The following GPR149 variants were observed in gnomAD, a reference collection of about 807,000 sequenced individuals.
The protein encoded by GPR149 is probable G protein-coupled receptor 149.
A neutral mutation model predicts 50.2 loss-of-function variants in GPR149; 50 were observed. The observed-to-expected ratio is 1.00, with a 90% CI of 0.79 to 1.26. GPR149 has a LOEUF of 1.26. Ranked by LOEUF, GPR149 falls within the 50% of genes most tolerant of loss-of-function variation. The pLI, the probability that GPR149 is intolerant of heterozygous loss-of-function variation, is 0.00. For missense variants in GPR149, 983 were observed against 895.4 expected, an observed-to-expected ratio of 1.10 and a Z score of -1.25; for synonymous variants, 405 against 358.2, an observed-to-expected ratio of 1.13 and a Z score of -1.48.
At chr3:154,426,455 T>G (rs1712305617) in intron 2 of GPR149, among the ~76,000 whole-genome samples, 1 of 152,196 alleles carries the variant, frequency 6.6e-6, no homozygotes, top group Non-Finnish European at 1.5e-5. Flanking sequence ...CTGTTTAAAT[T>G]TAACCTTCAT....
intron 3 of GPR149, among the ~76,000 whole-genome samples, chr3:154,366,529 A>G (rs1714536666): frequency 6.6e-6 from 1 of 152,200 alleles, no homozygotes; most frequent in African/African-American, 2.4e-5. Flanking sequence ...CCAAAAAGAG[A>G]CATTTACATC....
intron 3 of GPR149, among the ~76,000 whole-genome samples, chr3:154,363,749 C>T (rs778064755): frequency 6.6e-6 from 1 of 152,138 alleles, no homozygotes; most frequent in South Asian, 2.1e-4. Flanking sequence ...CTGAATGATG[C>T]CTTTTCAATC....
At chr3:154,383,034 C>T (rs898988322) in intron 3 of GPR149, among the ~76,000 whole-genome samples, 4 of 152,054 alleles carry the variant, frequency 2.6e-5, no homozygotes, top group African/African-American at 9.7e-5. Context: ...GAAGTGAGGG[C>T]AGCCTAGGAC....
rs575207461 is a variant in GPR149, at chr3:154,407,801, C to A, written c.1623+13238G>T. ...CAGTAGCAATGAGTGTATCTAGCAC[C>A]CAGATTTTGGCTTCTAAATACTATT... On this transcript the variant is annotated intron_variant, in intron 3 of 3. Transcript: ENST00000389740. 2.0e-5 allele frequency among the ~76,000 whole-genome samples: 3 copies of A among 151,314 alleles called. No homozygotes were observed. The South Asian group carries it at 6.3e-4, about 32-fold the overall frequency.
At chr3:154,395,460 A>ATG (rs1715268557) in intron 3 of GPR149, among the ~76,000 whole-genome samples, 1 of 148,280 alleles carries the variant, frequency 6.7e-6, no homozygotes, top group Non-Finnish European at 1.5e-5. Flanking sequence ...GTATATATAT[A>ATG]TATAATTTTA....
chr3:154,383,269 G>A (rs974176277), intron 3 of GPR149, among the ~76,000 whole-genome samples: 6 of 152,092 alleles, frequency 3.9e-5, no homozygotes, highest in African/African-American at 1.4e-4. Flanking sequence ...GAATGGGGGC[G>A]AGACATTCCA....
chr3:154,344,506 G>A lies in GPR149; in HGVS notation c.1624-6235C>T, dbSNP rs140359783. 1.1e-4 allele frequency among the ~76,000 whole-genome samples: 17 copies of A among 152,226 alleles called. No individual in the cohort carries two copies. In the East Asian group the frequency reaches 2.3e-3, roughly 21 times the overall value. ...TCCCCCTCCAAATTCGTGTCCCCCT[G>A]TAAACTGTGAATATGACCTTATTTG... On this transcript the variant is annotated intron_variant, in intron 3 of 3. Transcript: ENST00000389740.
intron 3 of GPR149, among the ~76,000 whole-genome samples, chr3:154,347,323 C>T (rs1017599371): frequency 3.9e-5 from 6 of 152,112 alleles, no homozygotes; most frequent in African/African-American, 1.2e-4. Context: ...AGAATCATGA[C>T]GGAAGAGGAC....
At chr3:154,354,742 G>T in intron 3 of GPR149, 2 of 695,496 alleles carry the variant, frequency 2.9e-6, no homozygotes, top group South Asian at 1.9e-5. Flanking sequence ...CTGGCTCTCG[G>T]ACTCCTCCAA....
At chr3:154,422,042 C>G (rs556906249) in intron 2 of GPR149, among the ~76,000 whole-genome samples, 17 of 151,496 alleles carry the variant, frequency 1.1e-4, no homozygotes, top group Non-Finnish European at 2.4e-4. Flanking sequence ...TACTGCAAAA[C>G]AGCTTTTAAA....
At chr3:154,356,115 TA>T (rs1344844180) in intron 3 of GPR149, among the ~76,000 whole-genome samples, 1 of 152,212 alleles carries the variant, frequency 6.6e-6, no homozygotes, top group Non-Finnish European at 1.5e-5. Context: ...TGAAATGTTC[TA>T]AAACTGATTT....
At chr3:154,364,173 A>G (rs1052931777) in intron 3 of GPR149, among the ~76,000 whole-genome samples, 1 of 152,192 alleles carries the variant, frequency 6.6e-6, no homozygotes, top group African/African-American at 2.4e-5. Flanking sequence ...CTATGGGAGT[A>G]AAAAAGCTGC....
intron 3 of GPR149, among the ~76,000 whole-genome samples, chr3:154,339,019 C>A (rs189386484): frequency 6.6e-6 from 1 of 152,232 alleles, no homozygotes; most frequent in Admixed American, 6.5e-5. Context: ...AAGATTGATT[C>A]TTAAAATAGT....
intron 3 of GPR149, among the ~76,000 whole-genome samples, chr3:154,356,582 T>C (rs1302775321): frequency 6.6e-6 from 1 of 152,180 alleles, no homozygotes; most frequent in Non-Finnish European, 1.5e-5. Context: ...CCATTCACAA[T>C]TGCTTCAAAG....
At position 154,429,821 on chromosome 3, in the gene GPR149, T is replaced by TAA. The variant is rs3075921; in HGVS notation, c.-208_-207dup. The TAA allele has an allele frequency of 0.011, 3,529 of 328,408 alleles. 17 individuals carry two copies. The highest frequency in any genetic ancestry group is 0.025 in the South Asian group (300 of 12,174). 20.3% of individuals were successfully genotyped at this position (328,408 alleles called of 1,614,324 possible). ...TAAAAATTAGGTTCCATTTCAAGCA[T>TAA]AAAAAAAAAAAAACCCGAACAGATA... On this transcript the variant is annotated 5_prime_UTR_variant, in exon 1 of 4. It introduces an in-frame stop codon into an upstream open reading frame of the 5' UTR. Transcript: ENST00000389740.
chr3:154,337,766 T>C lies in GPR149; in HGVS notation c.2129A>G (p.Tyr710Cys), dbSNP rs1264454382. The change falls in exon 4 of 4, where the codon TAC becomes TGC. Residue 710 changes from tyrosine (Y) to cysteine (C), a missense_variant. By Grantham distance (194) the Tyr-to-Cys change is radical. Transcript: ENST00000389740. The part of the protein sequence containing the change: ...SKRQHQERDG[Y>C]QEEIQLLNKA... ...ATTTAACAACTGGATTTCCTCCTGG[T>C]AGCCATCCCTCTCTTGATGCTGCCT... 6 of 1,613,256 alleles carry C rather than the reference T, an allele frequency of 3.7e-6. No individual in the cohort carries two copies. The African/African-American group carries it at 6.7e-5, about 18-fold the overall frequency.
intron 1 of GPR149, among the ~76,000 whole-genome samples, chr3:154,428,270 A>G (rs1302634279): frequency 6.6e-6 from 1 of 152,194 alleles, no homozygotes; most frequent in Non-Finnish European, 1.5e-5. Context: ...GGATGACAGA[A>G]GGTTGTGGGG....
chr3:154,407,203 T>A (rs189971300), intron 3 of GPR149, among the ~76,000 whole-genome samples: 78 of 152,296 alleles, frequency 5.1e-4, no homozygotes, highest in Admixed American at 2.8e-3. Flanking sequence ...CATCATGTTT[T>A]ATATAGTTCT....
chr3:154,397,833 C>T (rs748492257), intron 3 of GPR149, among the ~76,000 whole-genome samples: 36 of 151,920 alleles, frequency 2.4e-4, no homozygotes, highest in Admixed American at 1.2e-3. Flanking sequence ...TAGCATATAC[C>T]TTAGTTATTT....
Sources: gnomAD v4.1 joint callset for allele counts (sites outside exome capture counted in the v4.1 genomes callset) on GRCh38, gnomAD v4.1.1 for gene constraint, MANE v1.5 for transcripts, NCBI Gene and HGNC (gene_info 2026-07-23, HGNC 2026-07-21) for gene names.